Variants in EPS8L2 observed in about 807,000 individuals in gnomAD.
The protein encoded by EPS8L2 is epidermal growth factor receptor kinase substrate 8-like protein 2.
A neutral mutation model predicts 99.4 loss-of-function variants in EPS8L2; 81 were observed. The observed-to-expected ratio is 0.82, with a 90% CI of 0.68 to 0.98. The LOEUF is 0.98. EPS8L2 is among the 50% of genes least tolerant of loss of function. The pLI, the probability that EPS8L2 is intolerant of heterozygous loss-of-function variation, is 0.00. For synonymous variants in EPS8L2, 509 were observed against 407.3 expected, an observed-to-expected ratio of 1.25 and a Z score of -3.01; for missense variants, 1,155 against 968.8, an observed-to-expected ratio of 1.19 and a Z score of -2.55.
chr11:710,333 C>G, intron 3 of EPS8L2, 89 bp from the exon 4 acceptor site: 1 of 1,316,166 alleles, frequency 7.6e-7, no homozygotes, highest in South Asian at 1.2e-5. Flanking sequence ...CTCCGCTTGA[C>G]TCCACCTTCC....
intron 4 of EPS8L2, among the ~76,000 whole-genome samples, chr11:716,309 C>T (rs1044556845): frequency 1.5e-4 from 23 of 152,144 alleles, no homozygotes; most frequent in African/African-American, 3.4e-4. Context: ...CCACCCCGCC[C>T]GGCTAATTTT....
chr11:722,376 C>A (rs773416304), intron 12 of EPS8L2, 25 bp from the exon 13 acceptor site: 4 of 1,608,154 alleles, frequency 2.5e-6, no homozygotes, highest in Admixed American at 1.7e-5. Flanking sequence ...GGCCTCAGTC[C>A]CCTCTGAACC....
In EPS8L2 at chr11:725,816, G is replaced by T; in HGVS notation, c.1649G>T (p.Arg550Leu). 1.4e-6 allele frequency: 2 copies of T among 1,386,406 alleles called. No homozygotes were observed. Among genetic ancestry groups the T allele is most frequent in the South Asian group, 3.6e-5 (2 of 55,220 alleles). The allele number at this position is 1,386,406 out of a possible 1,614,324, so 85.9% of individuals were successfully genotyped here. A position where few individuals can be genotyped will look rare whatever the true frequency, so the allele number is the denominator to read the frequency against. Residue 550 changes from arginine to leucine, a missense_variant, in exon 17 of 21, where the codon CGA (arginine) becomes CTA (leucine). Coordinates refer to ENST00000318562, the MANE Select transcript of EPS8L2 (RefSeq NM_022772.4). Reference sequence around the variant, plus strand: ...CCCTGCAACATCCTAGGCGAGGCGCGACCGGAGGACGCCGGCGCCCCGTTC... The same window carrying T: ...CCCTGCAACATCCTAGGCGAGGCGCTACCGGAGGACGCCGGCGCCCCGTTC... Reference protein sequence around the residue: ...YVPCNILGEARPEDAGAPFEQ... With the variant: ...YVPCNILGEALPEDAGAPFEQ...
At position 721,968 on chromosome 11, in the gene EPS8L2, A is replaced by G. The variant is rs151294547; in HGVS notation, c.961A>G (p.Ile321Val). 1.4e-4 allele frequency: 222 copies of G among 1,604,724 alleles called. 1 individual carries two copies. Among genetic ancestry groups the G allele is most frequent in the Non-Finnish European group, 1.8e-4 (217 of 1,175,842 alleles). Residue 321 changes from isoleucine (I) to valine (V), a missense_variant, in exon 11 of 21, where the codon ATC becomes GTC. Transcript: ENST00000318562. ...CGAGTTCATCGACTGCTTCCAGAAA[A>G]TCAAGCTGGCGATTAACTTGCTGGT... The part of the protein sequence containing the change: ...EGEFIDCFQK[I>V]KLAINLLAKL...
At chr11:716,765 A>C (rs12222447) in intron 4 of EPS8L2, among the ~76,000 whole-genome samples, 102,411 of 152,008 alleles carry the variant, frequency 0.67, 35,839 homozygotes, top group African/African-American at 0.86. Flanking sequence ...TTCTGGTTTT[A>C]TTTTTATTAT....
chr11:712,648 C>T (rs1861921255), intron 4 of EPS8L2, among the ~76,000 whole-genome samples: 1 of 152,236 alleles, frequency 6.6e-6, no homozygotes, highest in Non-Finnish European at 1.5e-5. Flanking sequence ...CCTGGTTCCC[C>T]CTTGCTGTCC....
chr11:722,203 G>A (rs1329423369), intron 12 of EPS8L2, 38 bp downstream of exon 12: 3 of 1,596,290 alleles, frequency 1.9e-6, no homozygotes, highest in Non-Finnish European at 2.6e-6. Context: ...GCAGGGTGGG[G>A]GCCCAGAGGC....
Position 722,431 on chromosome 11 carries a change from G to A in EPS8L2, c.1090G>A (p.Ala364Thr), listed in dbSNP as rs777310402. 1.7e-5 allele frequency: 27 copies of A among 1,613,128 alleles called. No homozygotes were observed. The highest frequency in any genetic ancestry group is 1.3e-4 in the East Asian group (6 of 44,888). ...CAACACCTGCAGTGGCCCAGACATC[G>A]CACGCTCCGTCTCCTGCCCACTGCT... ...IVNTCSGPDI[A>T]RSVSCPLLSR... The change falls in exon 13 of 21, where the codon GCA (alanine) becomes ACA (threonine). Residue 364 changes from alanine (A) to threonine (T), a missense_variant. Physicochemically the swap from Ala to Thr is moderately conservative, Grantham distance 58 (BLOSUM62 0). Coordinates refer to ENST00000318562, the MANE Select transcript of EPS8L2 (RefSeq NM_022772.4).
rs534510334 is a variant in EPS8L2 at position 722,418 on chromosome 11, T to C, written c.1077T>C (p.Ser359=). 9.9e-6 allele frequency: 16 copies of C among 1,613,114 alleles called. No individual in the cohort carries two copies. The highest frequency in any genetic ancestry group is 1.3e-5 in the Non-Finnish European group (15 of 1,179,846). The change falls in exon 13 of 21, where the codon AGT becomes AGC. Residue 359 remains serine (S), a synonymous_variant. Transcript: ENST00000318562. ...TGCCCCAGATCGTCAACACCTGCAG[T>C]GGCCCAGACATCGCACGCTCCGTCT... ...GPLDLIVNTC[S]GPDIARSVSC...
intron 10 of EPS8L2, 58 bp from the exon 11 acceptor site, chr11:721,845 G>A (rs1367820642): frequency 1.9e-6 from 3 of 1,541,906 alleles, no homozygotes; most frequent in Non-Finnish European, 2.6e-6. Context: ...TGGGACAGAA[G>A]GCGCAGGGGC....
At position 727,096 on chromosome 11, in the gene EPS8L2, G is replaced by A. The variant is rs185301854; in HGVS notation, c.*115G>A. On this transcript the variant is annotated 3_prime_UTR_variant, in exon 21 of 21. Transcript: ENST00000318562. ...AAGGACACGGAGGGGGTGTGGTGCT[G>A]GCTAGAGGTCCCTGCCCCTGTCTGG... 28 of 764,114 alleles carry A rather than the reference G, an allele frequency of 3.7e-5. No individual in the cohort carries two copies. In the African/African-American group the frequency reaches 4.2e-4, roughly 11 times the overall value. The allele number at this position is 764,114 out of a possible 1,614,324, so 47.3% of individuals were successfully genotyped here.
At position 720,506 on chromosome 11, in the gene EPS8L2, C is replaced by CT. The variant is rs1564975162; in HGVS notation, c.328-90dup. 2.0e-6 allele frequency: 3 copies of CT among 1,537,590 alleles called. No individual in the cohort carries two copies. In the South Asian group the frequency reaches 3.6e-5, roughly 18 times the overall value. On this transcript the variant is annotated intron_variant, in intron 5 of 20. Coordinates refer to ENST00000318562, the MANE Select transcript of EPS8L2 (RefSeq NM_022772.4). Reference sequence around the variant, plus strand: ...CATTCCCCAGCGGCGCCAGAGGGGCCTGTGCTCCAGGCTTGTCCACAGCTC... The same window carrying CT: ...CATTCCCCAGCGGCGCCAGAGGGGCCTTGTGCTCCAGGCTTGTCCACAGCTC...
intron 4 of EPS8L2, among the ~76,000 whole-genome samples, chr11:712,796 G>C (rs538674840): frequency 1.4e-3 from 218 of 152,362 alleles, no homozygotes; most frequent in Non-Finnish European, 2.6e-3. Context: ...CCTCCCAGCA[G>C]CCTGGGCAGC....
At chr11:723,443 G>A in intron 15 of EPS8L2, 90 bp downstream of exon 15, 1 of 544,348 alleles carries the variant, frequency 1.8e-6, no homozygotes, top group Non-Finnish European at 3.2e-6. Flanking sequence ...GCCACCAGGT[G>A]GTGGCAAGTG....
rs1326178171 is a variant in EPS8L2, at chr11:721,355, G to A, written c.768+3G>A. On this transcript the variant is annotated splice_donor_region_variant and intron_variant, in intron 9 of 20. Transcript: ENST00000318562. ...CTCAGAAGATAGAGAAGGAGACGGTGGGTGCCCGGGCCCGGCAGGTGGCCC... is the reference window on the plus strand; with the variant it reads ...CTCAGAAGATAGAGAAGGAGACGGTAGGTGCCCGGGCCCGGCAGGTGGCCC... 1 of 1,539,646 alleles carries A rather than the reference G, an allele frequency of 6.5e-7. No homozygotes were observed. Among genetic ancestry groups the A allele is most frequent in the Non-Finnish European group, 8.7e-7 (1 of 1,146,262 alleles).
In EPS8L2 at chr11:720,214, C is replaced by G. The variant is rs760285785; in HGVS notation, c.318C>G (p.Ile106Met). ...ACCAGTCGCTGCGGCTGCTGGACAT[C>G]GAGTCACAGGTGGGGCCCAGCGCCA... ...VNDQSLRLLD[I>M]ESQEELEDFP... The change falls in exon 5 of 21, where the codon ATC (isoleucine) becomes ATG (methionine). Residue 106 changes from isoleucine to methionine, a missense_variant. Transcript: ENST00000318562. The G allele has an allele frequency of 1.9e-6, 3 of 1,612,930 alleles. No homozygotes were observed. Among genetic ancestry groups the G allele is most frequent in the Non-Finnish European group, 2.5e-6 (3 of 1,179,860 alleles).
chr11:713,505 C>G (rs1313035548), intron 4 of EPS8L2, among the ~76,000 whole-genome samples: 1 of 152,226 alleles, frequency 6.6e-6, no homozygotes, highest in Non-Finnish European at 1.5e-5. Flanking sequence ...CCTCAGCCTC[C>G]TGAGTAGCTG....
chr11:718,548 G>A (rs866427643), intron 4 of EPS8L2, among the ~76,000 whole-genome samples: 18 of 150,076 alleles, frequency 1.2e-4, no homozygotes, highest in Non-Finnish European at 2.2e-4. Context: ...GCAGTGGCAC[G>A]AACATGGTTC....
At chr11:725,210 G>C (rs554784814) in intron 16 of EPS8L2, among the ~76,000 whole-genome samples, 6 of 152,346 alleles carry the variant, frequency 3.9e-5, no homozygotes, top group Admixed American at 1.3e-4. Context: ...AGCAGGCTAG[G>C]GGGGAGTGGG....
Sources: gnomAD v4.1 joint callset for allele counts (sites outside exome capture counted in the v4.1 genomes callset) on GRCh38, gnomAD v4.1.1 for gene constraint, MANE v1.5 for transcripts, NCBI Gene and HGNC (gene_info 2026-07-23, HGNC 2026-07-21) for gene names.